Variants in CNST observed in about 807,000 individuals in gnomAD.
CNST encodes consortin, connexin sorting protein, also known as consortin.
CNST carries 39 observed loss-of-function variants against 72.4 expected under a neutral mutation model. The ratio of observed to expected loss-of-function variants is 0.54; its 90% CI spans 0.42 to 0.70. The LOEUF (loss-of-function observed/expected upper bound fraction) is 0.70. Among genes scored for constraint, CNST ranks in the 30% least tolerant of loss-of-function variants. CNST has a pLI of 0.00. For synonymous variants in CNST, 332 were observed against 320.1 expected (o/e 1.04, Z -0.40); for missense variants, 871 against 868.5 (o/e 1.00, Z -0.04).
chr1:246,662,463 G>A (rs1049622424), intron 10 of CNST, among the ~76,000 whole-genome samples: 2 of 152,030 alleles, frequency 1.3e-5, no homozygotes, highest in African/African-American at 2.4e-5. Context: ...ATCTTGGCTC[G>A]CTGCAACCTC....
chr1:246,598,908 C>T (rs1662070692), intron 2 of CNST, among the ~76,000 whole-genome samples: 1 of 152,196 alleles, frequency 6.6e-6, no homozygotes, highest in Non-Finnish European at 1.5e-5. Flanking sequence ...ACCACACTTT[C>T]AGAATTCAGA....
intron 3 of CNST, among the ~76,000 whole-genome samples, chr1:246,623,932 G>A (rs920820839): frequency 5.3e-5 from 8 of 149,926 alleles, no homozygotes; most frequent in East Asian, 3.9e-4. Flanking sequence ...GCACGGTGGC[G>A]TGCGCCTGTA....
At chr1:246,645,729 A>G (rs946649100) in intron 8 of CNST, among the ~76,000 whole-genome samples, 4 of 152,030 alleles carry the variant, frequency 2.6e-5, no homozygotes, top group African/African-American at 9.7e-5. Flanking sequence ...GCCCGGCCAA[A>G]AAGGTTAAAG....
intron 8 of CNST, among the ~76,000 whole-genome samples, chr1:246,644,050 T>G (rs1312027549): frequency 6.6e-6 from 1 of 152,158 alleles, no homozygotes; most frequent in Non-Finnish European, 1.5e-5. Flanking sequence ...CATCTCCTAC[T>G]CATAGAATGG....
At chr1:246,610,788 G>A (rs993366483) in intron 2 of CNST, among the ~76,000 whole-genome samples, 1 of 151,960 alleles carries the variant, frequency 6.6e-6, no homozygotes, top group Middle Eastern at 3.2e-3. Flanking sequence ...TTCTAAGCGT[G>A]CGTCGTGTCC....
At chr1:246,659,377 G>A (rs185095548) in intron 9 of CNST, among the ~76,000 whole-genome samples, 2 of 152,056 alleles carry the variant, frequency 1.3e-5, no homozygotes, top group Admixed American at 6.5e-5. Flanking sequence ...GGCAGATCAC[G>A]AGGTCAGGAG....
intron 2 of CNST, chr1:246,605,829 G>GCGTGTCTTCCGGCCGGGGTGC (rs1662735300): frequency 1.6e-5 from 1 of 64,338 alleles, no homozygotes; most frequent in African/African-American, 4.4e-5. Flanking sequence ...AGCCGGGGTA[G>GCGTGTCTTCCGGCCGGGGTGC]GTGTCTTCCG....
chr1:246,606,766 A>G (rs1186965289), intron 2 of CNST: 3 of 152,042 alleles, frequency 2.0e-5, no homozygotes, highest in Non-Finnish European at 4.4e-5. Flanking sequence ...TCTGGTTATC[A>G]TACGCAGGGA....
chr1:246,592,146 A>T (rs1426160055), intron 2 of CNST, among the ~76,000 whole-genome samples: 4 of 152,096 alleles, frequency 2.6e-5, no homozygotes, highest in Admixed American at 6.5e-5. Context: ...GGTGTAACAC[A>T]ATTTATTTAA....
chr1:246,609,965 C>G (rs1459917835), intron 2 of CNST, among the ~76,000 whole-genome samples: 1 of 152,136 alleles, frequency 6.6e-6, no homozygotes, highest in Non-Finnish European at 1.5e-5. Flanking sequence ...TTTATCTCCC[C>G]AAACAGAATC....
intron 8 of CNST, among the ~76,000 whole-genome samples, chr1:246,646,506 G>C (rs983375529): frequency 6.6e-6 from 1 of 152,050 alleles, no homozygotes; most frequent in Non-Finnish European, 1.5e-5. Flanking sequence ...TTGAGATGGA[G>C]TTTTGCTCTT....
chr1:246,613,789 G>T (rs1019688663), intron 2 of CNST, among the ~76,000 whole-genome samples: 8 of 144,226 alleles, frequency 5.5e-5, no homozygotes, highest in Admixed American at 4.9e-4. Context: ...CACCTCCCAG[G>T]TTCGAGTGAT....
rs142214096 is a variant in CNST, at chr1:246,582,707, A to G, written c.-51-8805A>G. On this transcript the variant is annotated intron_variant, in intron 1 of 10. Transcript: ENST00000366513. The stretch of plus-strand genomic sequence containing the variant: ...CTTCAGCACTCTTATTCCAAAGTCT[A>G]ACTATTCGCTGTTCATTCTGTACTT... Among the ~76,000 whole-genome samples, 1,136 of 152,278 alleles carry G rather than the reference A, an allele frequency of 7.5e-3. 11 individuals carry two copies. Among genetic ancestry groups the G allele is most frequent in the African/African-American group, 0.026 (1,082 of 41,550 alleles).
intron 9 of CNST, among the ~76,000 whole-genome samples, chr1:246,649,558 T>G (rs549660245): frequency 3.3e-5 from 5 of 152,154 alleles, no homozygotes; most frequent in African/African-American, 1.2e-4. Context: ...AACAATCAAG[T>G]TGACCATAAA....
At chr1:246,581,632 C>T (rs1212427254) in intron 1 of CNST, among the ~76,000 whole-genome samples, 3 of 152,226 alleles carry the variant, frequency 2.0e-5, no homozygotes, top group African/African-American at 7.2e-5. Context: ...CATTCCATTA[C>T]AGCTGCAAAC....
intron 2 of CNST, among the ~76,000 whole-genome samples, chr1:246,611,799 T>C (rs1663333009): frequency 6.6e-6 from 1 of 152,190 alleles, no homozygotes; most frequent in Admixed American, 6.5e-5. Flanking sequence ...AGCAGCATTA[T>C]TCACAGTAGC....
At chr1:246,662,619 G>T (rs967548606) in intron 10 of CNST, among the ~76,000 whole-genome samples, 1 of 152,222 alleles carries the variant, frequency 6.6e-6, no homozygotes, top group African/African-American at 2.4e-5. Flanking sequence ...TCGAACTCCT[G>T]ACCTCAGGTG....
In CNST at chr1:246,646,722, C is replaced by T. The variant is rs916204818; in HGVS notation, c.938-417C>T. ...TTCGAATTCCCGACCTCAGGTGATCCGCCCACCTCGGCCTCCCAAAGTGCT... is the reference window on the plus strand; with the variant it reads ...TTCGAATTCCCGACCTCAGGTGATCTGCCCACCTCGGCCTCCCAAAGTGCT... On this transcript the variant is annotated intron_variant, in intron 8 of 10. Transcript: ENST00000366513. 7.9e-5 allele frequency among the ~76,000 whole-genome samples: 12 copies of T among 152,174 alleles called. No individual in the cohort carries two copies. In the East Asian group the frequency reaches 1.3e-3, roughly 17 times the overall value.
intron 1 of CNST, among the ~76,000 whole-genome samples, chr1:246,589,946 AC>A (rs1469834606): frequency 6.6e-6 from 1 of 152,066 alleles, no homozygotes; most frequent in Non-Finnish European, 1.5e-5. Flanking sequence ...TCCTTCGCCC[AC>A]TTTTTGATGG....
Sources: gnomAD v4.1 joint callset for allele counts (sites outside exome capture counted in the v4.1 genomes callset) on GRCh38, gnomAD v4.1.1 for gene constraint, MANE v1.5 for transcripts, NCBI Gene and HGNC (gene_info 2026-07-23, HGNC 2026-07-21) for gene names.